Variants in CABIN1 observed in about 807,000 individuals in gnomAD.
CABIN1 encodes calcineurin binding protein 1.
Under a neutral mutation model 227.7 loss-of-function variants are expected in CABIN1, and 133 were observed. That is an observed-to-expected ratio of 0.58 (90% CI 0.51 to 0.67). The LOEUF is 0.67. CABIN1 is among the 30% of genes least tolerant of loss of function. The pLI, the probability that CABIN1 is intolerant of heterozygous loss-of-function variation, is 0.00. For synonymous variants in CABIN1, 1,086 were observed against 1,155.1 expected, an observed-to-expected ratio of 0.94 and a Z score of 1.21; for missense variants, 2,408 against 2,852.5, an observed-to-expected ratio of 0.84 and a Z score of 3.55.
chr22:24,089,787 G>A (rs1038724924), intron 23 of CABIN1, among the ~76,000 whole-genome samples: 8 of 152,246 alleles, frequency 5.3e-5, no homozygotes, highest in African/African-American at 1.9e-4. Context: ...AGGTGGTGGT[G>A]TAGGAGAACA....
intron 19 of CABIN1, among the ~76,000 whole-genome samples, chr22:24,077,394 A>C (rs2040517004): frequency 6.6e-6 from 1 of 152,210 alleles, no homozygotes; most frequent in Non-Finnish European, 1.5e-5. Flanking sequence ...GAGAGTATGC[A>C]TATGTATAGA....
In CABIN1 at chr22:24,084,668, C is replaced by T. The variant is rs761638136; in HGVS notation, c.3000C>T (p.Thr1000=). ...AATTTGACAGCTATAAGACCAGCACCGTGTCTGCTGACTTGGCCAACCTAC... is the reference window on the plus strand; with the variant it reads ...AATTTGACAGCTATAAGACCAGCACTGTGTCTGCTGACTTGGCCAACCTAC... The part of the protein sequence containing the change: ...LPEFDSYKTS[T]VSADLANLLK... Residue 1000 remains threonine, a synonymous_variant, in exon 21 of 37, where the codon ACC becomes ACT. Coordinates refer to ENST00000263119, the MANE Select transcript of CABIN1 (RefSeq NM_012295.4). The T allele has an allele frequency of 3.3e-5, 54 of 1,614,060 alleles. No individual in the cohort carries two copies. The highest frequency in any genetic ancestry group is 4.1e-5 in the Non-Finnish European group (48 of 1,179,976).
intron 26 of CABIN1, among the ~76,000 whole-genome samples, chr22:24,102,588 G>A (rs947881588): frequency 6.6e-6 from 1 of 152,224 alleles, no homozygotes; most frequent in Non-Finnish European, 1.5e-5. Flanking sequence ...CACCAGAGAG[G>A]TGGGGTTTGT....
intron 34 of CABIN1, among the ~76,000 whole-genome samples, chr22:24,174,455 G>T (rs1170581409): frequency 6.6e-6 from 1 of 152,160 alleles, no homozygotes; most frequent in African/African-American, 2.4e-5. Context: ...AAGGTGTGGG[G>T]GTGATGGGAG....
chr22:24,171,094 G>A (rs35590108), intron 33 of CABIN1, among the ~76,000 whole-genome samples: 2,804 of 152,270 alleles, frequency 0.018, 34 homozygotes, highest in Middle Eastern at 0.031. Flanking sequence ...ATGAAGACTC[G>A]GAGGCCCCTA....
Position 24,054,928 on chromosome 22 carries a change from GAGCCCCCACGTCCC to G in CABIN1, c.867_880del (p.Pro290TrpfsTer5). On this transcript the variant is annotated frameshift_variant, in exon 9 of 37. Coordinates refer to ENST00000263119, the MANE Select transcript of CABIN1 (RefSeq NM_012295.4). LOFTEE classifies it high-confidence loss of function. Reference sequence around the variant, plus strand: ...CATGTACAATCATCTCACCACCTGTGAGCCCCCACGTCCCAGCCTTGGCAAAAGGATTGATTTGT... The same window carrying G: ...CATGTACAATCATCTCACCACCTGTGAGCCTTGGCAAAAGGATTGATTTGT... The G allele has an allele frequency of 6.2e-7, 1 of 1,614,188 alleles. No individual in the cohort carries two copies. Among genetic ancestry groups the G allele is most frequent in the Non-Finnish European group, 8.5e-7 (1 of 1,180,028 alleles).
chr22:24,080,334 T>C (rs2040725709), intron 19 of CABIN1, among the ~76,000 whole-genome samples: 1 of 152,214 alleles, frequency 6.6e-6, no homozygotes, highest in Non-Finnish European at 1.5e-5. Flanking sequence ...CTCACGTACC[T>C]CTTAGTCTCT....
chr22:24,059,476 C>A, intron 11 of CABIN1, 113 bp downstream of exon 11: 3 of 1,260,306 alleles, frequency 2.4e-6, no homozygotes, highest in Non-Finnish European at 3.4e-6. Context: ...TTAGTGTGGC[C>A]AAGAGTCTGC....
chr22:24,153,746 A>G (rs575770005), intron 29 of CABIN1, among the ~76,000 whole-genome samples: 8 of 152,276 alleles, frequency 5.3e-5, no homozygotes, highest in African/African-American at 1.9e-4. Flanking sequence ...AGGGGGACCA[A>G]GGAAGCTGGA....
rs939883484 is a variant in CABIN1 at position 24,177,010 on chromosome 22, C to T, written c.6206-494C>T. ...CTGCCAGGCCTGCAACTGGCCCAGC[C>T]TTCAGGCTCTGGGCAAACTCAGCCC... On this transcript the variant is annotated intron_variant, in intron 35 of 36. Transcript: ENST00000263119. This position sits in a 1 kb window ranked among gnomAD's most constrained non-coding sequence, Gnocchi z 4.4. Among the ~76,000 whole-genome samples, 15 of 152,262 alleles carry T rather than the reference C, an allele frequency of 9.9e-5. No individual in the cohort carries two copies. Among genetic ancestry groups the T allele is most frequent in the Non-Finnish European group, 2.2e-4 (15 of 68,038 alleles).
At chr22:24,134,489 C>T in intron 29 of CABIN1, 74 bp downstream of exon 29, 1 of 1,284,514 alleles carries the variant, frequency 7.8e-7, no homozygotes, top group Non-Finnish European at 1.1e-6. Flanking sequence ...ATGAATTGAC[C>T]CCCTAGGTGG....
intron 27 of CABIN1, among the ~76,000 whole-genome samples, chr22:24,115,717 C>T (rs1367777853): frequency 6.6e-6 from 1 of 152,216 alleles, no homozygotes; most frequent in Non-Finnish European, 1.5e-5. Flanking sequence ...ACTTGAGCAG[C>T]CTTTGGCCTC....
chr22:24,055,217 G>T, intron 9 of CABIN1, 58 bp downstream of exon 9: 1 of 1,572,776 alleles, frequency 6.4e-7, no homozygotes, highest in South Asian at 1.1e-5. Flanking sequence ...AGCCCAGCAG[G>T]AATGAGACTG....
intron 8 of CABIN1, among the ~76,000 whole-genome samples, chr22:24,052,716 G>T (rs1308788676): frequency 6.6e-6 from 1 of 151,542 alleles, no homozygotes; most frequent in Non-Finnish European, 1.5e-5. Flanking sequence ...CTTGAGCCGG[G>T]GAAGTCAAGG....
chr22:24,174,137 G>T (rs976908827), intron 34 of CABIN1, among the ~76,000 whole-genome samples: 2 of 147,948 alleles, frequency 1.4e-5, no homozygotes, highest in African/African-American at 5.0e-5. Context: ...GAGCCACCAA[G>T]CCTGGCCTGT....
intron 19 of CABIN1, among the ~76,000 whole-genome samples, chr22:24,082,273 A>G (rs944480195): frequency 3.3e-5 from 5 of 151,920 alleles, no homozygotes; most frequent in Admixed American, 2.0e-4. Context: ...AATTTTTTGT[A>G]GAGACAGAGT....
At chr22:24,080,416 C>A (rs899436113) in intron 19 of CABIN1, among the ~76,000 whole-genome samples, 9 of 152,144 alleles carry the variant, frequency 5.9e-5, no homozygotes, top group Non-Finnish European at 1.2e-4. Flanking sequence ...ATATCCAACC[C>A]CCTAACGCAA....
intron 16 of CABIN1, among the ~76,000 whole-genome samples, chr22:24,069,757 TG>T (rs111346442): frequency 6.6e-6 from 1 of 151,804 alleles, no homozygotes; most frequent in South Asian, 2.1e-4. Flanking sequence ...ATTTATAAAT[TG>T]GGGGGGGTTT....
chr22:24,069,182 C>G (rs1008460916), intron 16 of CABIN1, among the ~76,000 whole-genome samples: 1 of 152,140 alleles, frequency 6.6e-6, no homozygotes, highest in African/African-American at 2.4e-5. Flanking sequence ...TAGTTTGTGT[C>G]TTGTTGAGTT....
Sources: allele counts gnomAD v4.1 joint callset (sites outside exome capture counted in the v4.1 genomes callset), GRCh38; gene constraint gnomAD v4.1.1; non-coding constraint Gnocchi (gnomAD v3.1); transcripts MANE v1.5; gene names NCBI Gene and HGNC (gene_info 2026-07-23, HGNC 2026-07-21).